The following PPARGC1A variants were observed in gnomAD, a reference collection of about 807,000 sequenced individuals.
The protein encoded by PPARGC1A is peroxisome proliferator-activated receptor gamma coactivator 1-alpha.
In PPARGC1A, 25 loss-of-function variants were observed where a neutral mutation model predicts 88.7. That is an observed-to-expected ratio of 0.28 (90% CI 0.21 to 0.39). PPARGC1A has a LOEUF of 0.39. Among genes scored for constraint, PPARGC1A ranks in the 10% least tolerant of loss-of-function variants. The probability of loss-of-function intolerance (pLI) is 1.00; values close to 1 mark genes in which losing one functional copy is unlikely to be tolerated. For missense variants in PPARGC1A, 880 were observed against 968.7 expected (o/e 0.91, Z 1.22); for synonymous variants, 363 against 355.6 (o/e 1.02, Z -0.24).
chr4:24,374,240 C>T, the PPARGC1A span, among the ~76,000 whole-genome samples: 1 of 152,156 alleles, frequency 6.6e-6, no homozygotes. Context: ...CTTCTATCTG[C>T]CTCTATCCCT....
the PPARGC1A span, among the ~76,000 whole-genome samples, chr4:24,066,812 C>T: frequency 2.0e-5 from 3 of 148,568 alleles, no homozygotes; most frequent in South Asian, 4.3e-4. Context: ...CTATAGACTT[C>T]CATGGTTTTT....
At chr4:24,056,848 G>A in the PPARGC1A span, among the ~76,000 whole-genome samples, 2 of 152,168 alleles carry the variant, frequency 1.3e-5, no homozygotes, top group Admixed American at 1.3e-4. Context: ...GTGCACTATT[G>A]GTGGAGTGTA....
chr4:23,848,142 T>C (rs1728643805), intron 2 of PPARGC1A, among the ~76,000 whole-genome samples: 1 of 152,206 alleles, frequency 6.6e-6, no homozygotes, highest in Non-Finnish European at 1.5e-5. Context: ...CATTATGTGC[T>C]TTAAGGAAGA....
At chr4:23,941,192 T>C in the PPARGC1A span, among the ~76,000 whole-genome samples, 4 of 152,124 alleles carry the variant, frequency 2.6e-5, no homozygotes, top group African/African-American at 9.7e-5. Context: ...GCTAGGCCTA[T>C]AGGCGTGCAG....
chr4:24,206,102 G>T, the PPARGC1A span, among the ~76,000 whole-genome samples: 1 of 152,074 alleles, frequency 6.6e-6, no homozygotes, highest in African/African-American at 2.4e-5. Context: ...AAATCACCTG[G>T]GTCTTTTATG....
chr4:24,384,822 T>A, the PPARGC1A span, among the ~76,000 whole-genome samples: 4 of 152,094 alleles, frequency 2.6e-5, no homozygotes, highest in Admixed American at 1.3e-4. Context: ...TTGTCAATAT[T>A]AGACAGATCA....
chr4:23,815,499 TTAAA>T (rs1721815056), intron 7 of PPARGC1A, among the ~76,000 whole-genome samples: 1 of 152,042 alleles, frequency 6.6e-6, no homozygotes, highest in African/African-American at 2.4e-5. Context: ...AGCTAACTAA[TTAAA>T]TAAATAAAAA....
At chr4:24,341,479 C>A in the PPARGC1A span, among the ~76,000 whole-genome samples, 11 of 152,060 alleles carry the variant, frequency 7.2e-5, no homozygotes, top group African/African-American at 2.7e-4. Context: ...ACTCATGGAG[C>A]CTGCAGTCTA....
At chr4:24,318,260 T>C in the PPARGC1A span, among the ~76,000 whole-genome samples, 1 of 152,228 alleles carries the variant, frequency 6.6e-6, no homozygotes, top group Non-Finnish European at 1.5e-5. Flanking sequence ...CCTGCACATA[T>C]GACTGTTTCT....
At chr4:24,353,978 A>G in the PPARGC1A span, among the ~76,000 whole-genome samples, 1 of 152,212 alleles carries the variant, frequency 6.6e-6, no homozygotes, top group African/African-American at 2.4e-5. Context: ...ACACCAATAC[A>G]AATTTATTTT....
chr4:24,387,938 A>T, the PPARGC1A span, among the ~76,000 whole-genome samples: 22,456 of 115,042 alleles, frequency 0.2, 2,695 homozygotes, highest in African/African-American at 0.27. Context: ...AAGAAAGAGA[A>T]AGAAAGAAAG....
intron 1 of PPARGC1A, among the ~76,000 whole-genome samples, chr4:23,886,480 C>G (rs1716913717): frequency 6.6e-6 from 1 of 151,992 alleles, no homozygotes; most frequent in Non-Finnish European, 1.5e-5. Context: ...TCTCTAAGAC[C>G]ATTGGACCCC....
chr4:24,158,969 C>T, the PPARGC1A span, among the ~76,000 whole-genome samples: 13,033 of 152,046 alleles, frequency 0.086, 788 homozygotes, highest in South Asian at 0.19. Flanking sequence ...CTGATAACAG[C>T]GCATGATAGT....
At chr4:24,080,845 C>T in the PPARGC1A span, among the ~76,000 whole-genome samples, 12,811 of 152,154 alleles carry the variant, frequency 0.084, 606 homozygotes, top group East Asian at 0.17. Context: ...GACTCCAGAG[C>T]TCATGCTTGC....
At chr4:24,219,993 T>A in the PPARGC1A span, among the ~76,000 whole-genome samples, 1 of 152,132 alleles carries the variant, frequency 6.6e-6, no homozygotes, top group Non-Finnish European at 1.5e-5. Context: ...TGAGGACTAA[T>A]ATCCATAATC....
upstream of PPARGC1A, among the ~76,000 whole-genome samples, chr4:23,908,576 T>C (rs894941572): frequency 6.6e-6 from 1 of 151,780 alleles, no homozygotes; most frequent in African/African-American, 2.4e-5. Flanking sequence ...CTTCAATTCA[T>C]GTGTACAGTA....
At chr4:23,889,159 G>A (rs3774902) in intron 1 of PPARGC1A, 56,318 of 985,174 alleles carry the variant, frequency 0.057, 2,512 homozygotes, top group East Asian at 0.36. Context: ...CACTAGCAGC[G>A]AGCAGCTCCA....
upstream of PPARGC1A, among the ~76,000 whole-genome samples, chr4:23,894,449 C>T (rs1027349794): frequency 6.6e-6 from 1 of 151,720 alleles, no homozygotes; most frequent in African/African-American, 2.4e-5. Context: ...TAAAATTAAA[C>T]CTCATTTTGC....
chr4:24,085,706 C>A, the PPARGC1A span, among the ~76,000 whole-genome samples: 1 of 152,340 alleles, frequency 6.6e-6, no homozygotes, highest in East Asian at 1.9e-4. Flanking sequence ...TGCATTCTAA[C>A]TCAGGCTTTC....
Sources: gnomAD v4.1 joint callset for allele counts (sites outside exome capture counted in the v4.1 genomes callset) on GRCh38, gnomAD v4.1.1 for gene constraint, MANE v1.5 for transcripts, NCBI Gene and HGNC (gene_info 2026-07-23, HGNC 2026-07-21) for gene names.